MAP3K9: variants seen among roughly 807,000 people sequenced by gnomAD.
MAP3K9 encodes the protein mixed lineage kinase 1 (tyr and ser/thr specificity).
MAP3K9 carries 46 observed loss-of-function variants against 95.8 expected under a neutral mutation model. The observed-to-expected ratio is 0.48, with a 90% CI of 0.38 to 0.61. The LOEUF is 0.61. Ranked by LOEUF, MAP3K9 falls within the 20% of genes least tolerant of loss-of-function variation. The probability of loss-of-function intolerance (pLI) is 0.00; values close to 1 mark genes in which losing one functional copy is unlikely to be tolerated. For synonymous variants in MAP3K9, 533 were observed against 593.8 expected (o/e 0.90, Z 1.49); for missense variants, 1,296 against 1,474.3 (o/e 0.88, Z 1.98).
chr14:70,798,474 T>TG (rs2054890284), intron 2 of MAP3K9, among the ~76,000 whole-genome samples: 1 of 125,114 alleles, frequency 8.0e-6, no homozygotes, highest in African/African-American at 3.2e-5. Context: ...ACCAAAAGTT[T>TG]TTTTTTTTTT....
At chr14:70,748,690 A>G in intron 5 of MAP3K9, 139 bp downstream of exon 5, 2 of 636,674 alleles carry the variant, frequency 3.1e-6, no homozygotes, top group African/African-American at 1.8e-5. Context: ...AGTAGATACC[A>G]AGCTGGAAGG....
chr14:70,737,739 T>C (rs951041968), intron 8 of MAP3K9, among the ~76,000 whole-genome samples: 1 of 152,216 alleles, frequency 6.6e-6, no homozygotes, highest in African/African-American at 2.4e-5. Flanking sequence ...CTCTTTCCTC[T>C]GCTTTAAAAA....
intron 10 of MAP3K9, 149 bp downstream of exon 10, chr14:70,734,237 A>G (rs2053953118): frequency 3.0e-6 from 2 of 663,938 alleles, no homozygotes; most frequent in Non-Finnish European, 5.4e-6. Context: ...ATGAGTTTCT[A>G]GAACACTGAA....
In MAP3K9 at chr14:70,809,198, G is replaced by A. The variant is rs1021911295; in HGVS notation, c.-27C>T. ...GAGCGGCCGATCCATAGGGTGCGGG[G>A]CCGCCGCCGCCCGCAGGAGCCGCCG... On this transcript the variant is annotated 5_prime_UTR_variant, in exon 1 of 12. Coordinates refer to ENST00000554752, the MANE Select transcript of MAP3K9 (RefSeq NM_001284230.2). 7 of 1,294,256 alleles carry A rather than the reference G, an allele frequency of 5.4e-6. No homozygotes were observed. In the African/African-American group the frequency reaches 6.2e-5, roughly 11 times the overall value. 80.2% of individuals were successfully genotyped at this position (1,294,256 alleles called of 1,614,324 possible).
chr14:70,734,293 G>A (rs1307298057), intron 10 of MAP3K9, 93 bp downstream of exon 10: 2 of 839,762 alleles, frequency 2.4e-6, no homozygotes, highest in Admixed American at 1.7e-5. Context: ...ATGAAGCAGT[G>A]CTAGGGGTCC....
chr14:70,725,629 C>T lies in MAP3K9; in HGVS notation c.*4751G>A, dbSNP rs1280376667. 4 of 152,260 alleles carry T rather than the reference C, an allele frequency of 2.6e-5. No homozygotes were observed. The highest frequency in any genetic ancestry group is 6.5e-5 in the Admixed American group (1 of 15,288). 9.4% of individuals were successfully genotyped at this position (152,260 alleles called of 1,614,324 possible). A position where few individuals can be genotyped will look rare whatever the true frequency, so the allele number is the denominator to read the frequency against. ...GATTTTCCTTTCATATGTGAATTTTCATTAATTTGAATTCCTAATCTAGGA... is the reference window on the plus strand; with the variant it reads ...GATTTTCCTTTCATATGTGAATTTTTATTAATTTGAATTCCTAATCTAGGA... On this transcript the variant is annotated 3_prime_UTR_variant, in exon 12 of 12. Transcript: ENST00000554752.
intron 2 of MAP3K9, among the ~76,000 whole-genome samples, chr14:70,767,091 G>T (rs945163381): frequency 3.9e-5 from 6 of 152,112 alleles, no homozygotes; most frequent in Admixed American, 3.9e-4. Flanking sequence ...CTCTTTGAAA[G>T]AACTCATCCC....
chr14:70,738,502 G>A (rs1188248818), intron 7 of MAP3K9, 104 bp from the exon 8 acceptor site: 2 of 1,071,798 alleles, frequency 1.9e-6, no homozygotes, highest in South Asian at 3.1e-5. Context: ...GGAGCTGCAG[G>A]GAAGTTAGAC....
chr14:70,783,294 A>T (rs1245162878), intron 2 of MAP3K9: 2 of 965,816 alleles, frequency 2.1e-6, no homozygotes, highest in African/African-American at 3.5e-5. Flanking sequence ...TCCTAAAGTA[A>T]ATTCAAATTA....
intron 3 of MAP3K9, among the ~76,000 whole-genome samples, chr14:70,753,213 C>A (rs191699022): frequency 6.6e-6 from 1 of 152,326 alleles, no homozygotes; most frequent in East Asian, 1.9e-4. Flanking sequence ...AACTAACCCT[C>A]ATCCAGAAAT....
chr14:70,779,508 C>T (rs2054645834), intron 2 of MAP3K9, among the ~76,000 whole-genome samples: 1 of 152,152 alleles, frequency 6.6e-6, no homozygotes, highest in Admixed American at 6.5e-5. Flanking sequence ...GACATCACAT[C>T]ACTTACTTGC....
Position 70,732,689 on chromosome 14 carries a change from G to T in MAP3K9, c.2680C>A (p.Gln894Lys). Residue 894 changes from glutamine (Q) to lysine (K), a missense_variant, in exon 11 of 12, where the codon CAA becomes AAA. Gln to Lys is a moderately conservative substitution (Grantham distance 53, BLOSUM62 1). This residue lies in a region of MAP3K9 where 433 missense variants were observed against 441.4 expected (regional missense o/e 0.98). Transcript: ENST00000554752. ...GTGACATGGGTGGGAGTCAGAGATT[G>T]GTTAGGATCTCGTTTGAAGCGCTCT... ...RVERFKRDPN[Q>K]SLTPTHVTLT... 6.2e-7 allele frequency: 1 copy of T among 1,601,894 alleles called. No homozygotes were observed. The highest frequency in any genetic ancestry group is 8.5e-7 in the Non-Finnish European group (1 of 1,172,196).
intron 5 of MAP3K9, 28 bp downstream of exon 5, chr14:70,748,797 CGTTT>C (rs1325196078): frequency 6.4e-7 from 1 of 1,567,502 alleles, no homozygotes; most frequent in Admixed American, 1.9e-5. Flanking sequence ...TCTTTTCGTT[CGTTT>C]TTTTGTTGTT....
intron 1 of MAP3K9, 63 bp from the exon 2 acceptor site, chr14:70,801,143 T>C (rs2054925701): frequency 1.3e-6 from 2 of 1,484,518 alleles, no homozygotes; most frequent in Non-Finnish European, 1.8e-6. Context: ...TATTTAACCT[T>C]TCATTTACCT....
At chr14:70,783,478 C>A (rs1027154102) in intron 2 of MAP3K9, 2 of 861,802 alleles carry the variant, frequency 2.3e-6, no homozygotes, top group South Asian at 5.3e-5. Flanking sequence ...TGTCCCCTCC[C>A]CTTTCCTCCC....
At chr14:70,805,359 T>C (rs972361826) in intron 1 of MAP3K9, among the ~76,000 whole-genome samples, 1 of 152,168 alleles carries the variant, frequency 6.6e-6, no homozygotes, top group Admixed American at 6.5e-5. Context: ...GAAACAACTC[T>C]CTTGTTAGAG....
chr14:70,748,603 G>T, intron 5 of MAP3K9, among the ~76,000 whole-genome samples: 1 of 152,100 alleles, frequency 6.6e-6, no homozygotes, highest in Non-Finnish European at 1.5e-5. Context: ...ACATTCCACT[G>T]TGAGAAAAGA....
intron 1 of MAP3K9, among the ~76,000 whole-genome samples, chr14:70,802,702 A>G (rs1029066964): frequency 1.3e-5 from 2 of 152,106 alleles, no homozygotes; most frequent in Non-Finnish European, 2.9e-5. Flanking sequence ...CCATTCCACA[A>G]GAGGCATCAA....
rs1184494856 is a variant in MAP3K9, at chr14:70,800,991, C to T, written c.496G>A (p.Asp166Asn). 6.2e-7 allele frequency: 1 copy of T among 1,614,104 alleles called. No homozygotes were observed. Among genetic ancestry groups the T allele is most frequent in the African/African-American group, 1.3e-5 (1 of 74,942 alleles). The change falls in exon 2 of 12, where the codon GAT (aspartate) becomes AAT (asparagine). Residue 166 changes from aspartate to asparagine, a missense_variant. Around this residue, in one of 5 missense-constraint regions of MAP3K9, gnomAD observed 338 missense variants for 363.4 expected, o/e 0.93. Coordinates refer to ENST00000554752, the MANE Select transcript of MAP3K9 (RefSeq NM_001284230.2). Reference sequence around the variant, plus strand: ...CGAGCTGCTTTCACAGCAACCTCATCCCCTATCCAGAAAGCACGATAGACC... The same window carrying T: ...CGAGCTGCTTTCACAGCAACCTCATTCCCTATCCAGAAAGCACGATAGACC... Reference protein sequence around the residue: ...GKVYRAFWIGDEVAVKAARHD... With the variant: ...GKVYRAFWIGNEVAVKAARHD...
Sources: gnomAD v4.1 joint callset for allele counts (sites outside exome capture counted in the v4.1 genomes callset) on GRCh38, gnomAD v4.1.1 for gene constraint, gnomAD v4.1.1 regional missense constraint, MANE v1.5 for transcripts, NCBI Gene and HGNC (gene_info 2026-07-23, HGNC 2026-07-21) for gene names.